The following GMDS variants were observed in gnomAD, a reference collection of about 807,000 sequenced individuals.
GMDS encodes the protein GDP-mannose 4,6-dehydratase.
In GMDS, 20 loss-of-function variants were observed where a neutral mutation model predicts 49.9. The observed-to-expected ratio is 0.40, with a 90% CI of 0.28 to 0.58. The LOEUF is 0.58. Among genes scored for constraint, GMDS ranks in the 20% least tolerant of loss-of-function variants. GMDS has a pLI of 0.42. For synonymous variants in GMDS, 177 were observed against 178.6 expected (o/e 0.99, Z 0.07); for missense variants, 362 against 481.4 (o/e 0.75, Z 2.32).
At chr6:2,209,181 T>C (rs1283544958) in intron 1 of GMDS, among the ~76,000 whole-genome samples, 1 of 152,186 alleles carries the variant, frequency 6.6e-6, no homozygotes, top group African/African-American at 2.4e-5. Context: ...ACTATTCTGG[T>C]GTTAAAATAT....
At chr6:1,826,112 G>A (rs996654667) in intron 7 of GMDS, among the ~76,000 whole-genome samples, 3 of 152,188 alleles carry the variant, frequency 2.0e-5, no homozygotes, top group Non-Finnish European at 4.4e-5. Context: ...GTGAGTGAGT[G>A]AGAGGTGAGT....
chr6:2,104,235 G>A (rs1774090700), intron 4 of GMDS, among the ~76,000 whole-genome samples: 1 of 152,190 alleles, frequency 6.6e-6, no homozygotes, highest in African/African-American at 2.4e-5. Flanking sequence ...TTACAGGAGT[G>A]GATGACATAC....
chr6:1,747,929 G>A (rs901092398), intron 7 of GMDS, among the ~76,000 whole-genome samples: 4 of 151,982 alleles, frequency 2.6e-5, no homozygotes, highest in Admixed American at 6.6e-5. Context: ...TTAAAGATAC[G>A]ACGTTACTGA....
At chr6:2,074,225 T>A (rs1319992789) in intron 4 of GMDS, among the ~76,000 whole-genome samples, 1 of 152,214 alleles carries the variant, frequency 6.6e-6, no homozygotes, top group Non-Finnish European at 1.5e-5. Context: ...TGGGGTAAGA[T>A]GATATATCAT....
intron 4 of GMDS, among the ~76,000 whole-genome samples, chr6:1,999,970 T>TTTTA (rs1766606990): frequency 8.9e-5 from 1 of 11,194 alleles, no homozygotes; most frequent in Non-Finnish European, 1.8e-4. Flanking sequence ...TATATATATA[T>TTTTA]TATATATATA....
chr6:2,135,395 A>C (rs963258899), intron 1 of GMDS, among the ~76,000 whole-genome samples: 1 of 152,150 alleles, frequency 6.6e-6, no homozygotes, highest in African/African-American at 2.4e-5. Context: ...GGATACCTTT[A>C]TCCTGAGGTT....
chr6:1,819,795 A>C (rs761095004), intron 7 of GMDS, among the ~76,000 whole-genome samples: 3 of 146,520 alleles, frequency 2.0e-5, no homozygotes, highest in Non-Finnish European at 4.5e-5. Flanking sequence ...ATATATATAT[A>C]TATCTACCTT....
At chr6:1,961,093 G>A in intron 4 of GMDS, 127 bp from the exon 5 acceptor site, 1 of 511,448 alleles carries the variant, frequency 2.0e-6, no homozygotes, top group Non-Finnish European at 3.4e-6. Context: ...TTTTCTAACA[G>A]CACAATAAGA....
At chr6:2,151,877 AT>A (rs1187092111) in intron 1 of GMDS, among the ~76,000 whole-genome samples, 1 of 152,140 alleles carries the variant, frequency 6.6e-6, no homozygotes, top group Non-Finnish European at 1.5e-5. Flanking sequence ...CTTATGACAA[AT>A]TAAAATTAGA....
chr6:2,226,564 T>A (rs1467712472), intron 1 of GMDS, among the ~76,000 whole-genome samples: 1 of 152,132 alleles, frequency 6.6e-6, no homozygotes, highest in Non-Finnish European at 1.5e-5. Flanking sequence ...AACCCTCCTA[T>A]CAGAATACAC....
chr6:1,918,853 G>A (rs1346208106), intron 7 of GMDS, among the ~76,000 whole-genome samples: 1 of 149,984 alleles, frequency 6.7e-6, no homozygotes, highest in Admixed American at 6.6e-5. Context: ...AGAACATATA[G>A]ACGTTACTTC....
intron 7 of GMDS, among the ~76,000 whole-genome samples, chr6:1,784,892 T>C (rs1352348850): frequency 2.0e-5 from 3 of 152,198 alleles, no homozygotes; most frequent in African/African-American, 4.8e-5. Context: ...ACACCAACAA[T>C]TGCACAATTA....
chr6:1,833,308 CA>C lies in GMDS; in HGVS notation c.772-90723del, dbSNP rs1314574753. Among the ~76,000 whole-genome samples, 1 of 151,698 alleles carries C rather than the reference CA, an allele frequency of 6.6e-6. No homozygotes were observed. Among genetic ancestry groups the C allele is most frequent in the Admixed American group, 6.6e-5 (1 of 15,224 alleles). On this transcript the variant is annotated intron_variant, in intron 7 of 10. Coordinates refer to ENST00000380815, the MANE Select transcript of GMDS (RefSeq NM_001500.4). This position sits in a 1 kb window ranked among gnomAD's most constrained non-coding sequence, Gnocchi z 4.4. ...GGGGAGGCCCCAGAACAACACTGGA[CA>C]CATCAAATGTCCTCCCTTCCTTCAT...
At chr6:1,943,350 A>G (rs1029198540) in intron 6 of GMDS, among the ~76,000 whole-genome samples, 2 of 152,210 alleles carry the variant, frequency 1.3e-5, no homozygotes, top group Admixed American at 1.3e-4. Flanking sequence ...TGCACAAGCT[A>G]CCTGCTCTCA....
At chr6:1,809,046 T>C (rs1278202851) in intron 7 of GMDS, among the ~76,000 whole-genome samples, 1 of 152,264 alleles carries the variant, frequency 6.6e-6, no homozygotes, top group Non-Finnish European at 1.5e-5. Flanking sequence ...GATGATTTTA[T>C]ATCAATACTT....
intron 1 of GMDS, among the ~76,000 whole-genome samples, chr6:2,203,695 GTA>G (rs1194081514): frequency 5.9e-5 from 9 of 152,090 alleles, no homozygotes; most frequent in African/African-American, 2.2e-4. Context: ...AATCTAACTG[GTA>G]TACCAAAGAA....
intron 9 of GMDS, among the ~76,000 whole-genome samples, chr6:1,685,674 C>T (rs984642568): frequency 6.6e-6 from 1 of 151,956 alleles, no homozygotes; most frequent in Admixed American, 6.6e-5. Context: ...CCAAGCTGGC[C>T]GCACAGAGCA....
intron 1 of GMDS, among the ~76,000 whole-genome samples, chr6:2,132,673 C>T (rs1015370893): frequency 3.3e-5 from 5 of 152,152 alleles, no homozygotes; most frequent in Middle Eastern, 3.2e-3. Context: ...CTGGATGGCA[C>T]AGTGCCCTGG....
chr6:1,912,754 A>G (rs924965675), intron 7 of GMDS, among the ~76,000 whole-genome samples: 2 of 152,238 alleles, frequency 1.3e-5, no homozygotes, highest in Admixed American at 1.3e-4. Flanking sequence ...AGAAAGCAGT[A>G]TTTCACAAAG....
Sources: allele counts gnomAD v4.1 joint callset (sites outside exome capture counted in the v4.1 genomes callset), GRCh38; gene constraint gnomAD v4.1.1; non-coding constraint Gnocchi (gnomAD v3.1); transcripts MANE v1.5; gene names NCBI Gene and HGNC (gene_info 2026-07-23, HGNC 2026-07-21).